Variants in ANKZF1 observed in about 807,000 individuals in gnomAD.
ANKZF1 encodes tRNA endonuclease ANKZF1.
Under a neutral mutation model 86.0 loss-of-function variants are expected in ANKZF1, and 84 were observed. The ratio of observed to expected loss-of-function variants is 0.98; its 90% CI spans 0.82 to 1.17. ANKZF1 has a LOEUF of 1.17. Among genes scored for constraint, ANKZF1 ranks in the 50% most tolerant of loss-of-function variants. The pLI is 0.00. For synonymous variants in ANKZF1, 331 were observed against 354.2 expected, an observed-to-expected ratio of 0.93 and a Z score of 0.74; for missense variants, 893 against 918.4, an observed-to-expected ratio of 0.97 and a Z score of 0.36.
chr2:219,234,626 C>T (rs534765481), intron 9 of ANKZF1, 200 bp from the exon 10 acceptor site: 219 of 744,192 alleles, frequency 2.9e-4, no homozygotes, highest in South Asian at 1.9e-3. Context: ...GCTACTCATA[C>T]GGAGAGTCCA....
intron 10 of ANKZF1, 53 bp from the exon 11 acceptor site, chr2:219,235,421 G>A: frequency 6.2e-7 from 1 of 1,607,782 alleles, no homozygotes. Context: ...GTTGGGTGAT[G>A]TTGGGAAAGG....
At position 219,235,165 on chromosome 2, in the gene ANKZF1, C is replaced by T. The variant is rs763986651; in HGVS notation, c.1544C>T (p.Ala515Val). ...GTTGGAGTGCTAAAGCTGCAGCTAG[C>T]TCCCAGCCCTGCAGACCCTAGAGTT... ...GDVGVLKLQL[A>V]PSPADPRVLS... is the part of the protein sequence containing the mutation. Residue 515 changes from alanine to valine, a missense_variant, in exon 10 of 14, where the codon GCT becomes GTT. Physicochemically the swap from Ala to Val is moderately conservative, Grantham distance 64. Transcript: ENST00000323348. 1 of 1,614,034 alleles carries T rather than the reference C, an allele frequency of 6.2e-7. No individual in the cohort carries two copies. The highest frequency in any genetic ancestry group is 1.7e-5 in the Admixed American group (1 of 59,996).
At chr2:219,233,686 A>G in intron 7 of ANKZF1, 29 bp from the exon 8 acceptor site, 4 of 1,580,352 alleles carry the variant, frequency 2.5e-6, no homozygotes, top group Non-Finnish European at 3.4e-6. Flanking sequence ...AAGTGAAGGT[A>G]TGCAGGACTG....
chr2:219,233,803 GGT>G lies in ANKZF1; in HGVS notation c.909_910del (p.Ser304PhefsTer38), dbSNP rs1559255564. On this transcript the variant is annotated frameshift_variant, in exon 8 of 14. Transcript: ENST00000323348. LOFTEE classifies it high-confidence loss of function. Reference sequence around the variant, plus strand: ...CTGTTGCGTGCTCCCCGCTCTGGCCGGTCTTTGTTCTTTGGAGGCAAGGGAGC... The same window carrying G: ...CTGTTGCGTGCTCCCCGCTCTGGCCGCTTTGTTCTTTGGAGGCAAGGGAGC... The G allele has an allele frequency of 1.9e-6, 3 of 1,613,994 alleles. No homozygotes were observed. The highest frequency in any genetic ancestry group is 2.5e-6 in the Non-Finnish European group (3 of 1,180,038).
chr2:219,230,078 A>C (rs1478777539), intron 1 of ANKZF1, 150 bp from the exon 2 acceptor site: 6 of 585,020 alleles, frequency 1.0e-5, no homozygotes, highest in Non-Finnish European at 1.7e-5. Context: ...GAGAAAGTGG[A>C]CGGGGGCCAA....
At chr2:219,235,422 T>C (rs1266968000) in intron 10 of ANKZF1, 52 bp from the exon 11 acceptor site, 21 of 1,607,568 alleles carry the variant, frequency 1.3e-5, no homozygotes, top group Non-Finnish European at 1.7e-5. Flanking sequence ...TTGGGTGATG[T>C]TGGGAAAGGC....
In ANKZF1 at chr2:219,233,808, T is replaced by C. The variant is rs1951120034; in HGVS notation, c.913T>C (p.Leu305=). 1.9e-6 allele frequency: 3 copies of C among 1,614,168 alleles called. No homozygotes were observed. The highest frequency in any genetic ancestry group is 1.7e-4 in the Middle Eastern group (1 of 6,048). ...LLRAPRSGRS[L]FFGGKGAPLQ... ...GCGTGCTCCCCGCTCTGGCCGGTCT[T>C]TGTTCTTTGGAGGCAAGGGAGCACC... is the stretch of plus-strand genomic sequence containing the variant. The change falls in exon 8 of 14, where the codon TTG becomes CTG. Residue 305 remains leucine, a synonymous_variant. Transcript: ENST00000323348.
rs756921185 is a variant in ANKZF1 at position 219,235,183 on chromosome 2, C to T, written c.1562C>T (p.Pro521Leu). 1.2e-6 allele frequency: 2 copies of T among 1,614,058 alleles called. No individual in the cohort carries two copies. The highest frequency in any genetic ancestry group is 2.7e-5 in the African/African-American group (2 of 74,944). Reference protein sequence around the residue: ...KLQLAPSPADPRVLSLLSAPL... With the variant: ...KLQLAPSPADLRVLSLLSAPL... Reference sequence around the variant, plus strand: ...CAGCTAGCTCCCAGCCCTGCAGACCCTAGAGTTCTGTCTCTGCTCAGTGCC... The same window carrying T: ...CAGCTAGCTCCCAGCCCTGCAGACCTTAGAGTTCTGTCTCTGCTCAGTGCC... The change falls in exon 10 of 14, where the codon CCT becomes CTT. Residue 521 changes from proline (P) to leucine (L), a missense_variant. Transcript: ENST00000323348.
intron 5 of ANKZF1, 157 bp downstream of exon 5, chr2:219,232,840 T>C (rs960052980): frequency 1.1e-6 from 1 of 914,212 alleles, no homozygotes; most frequent in African/African-American, 1.7e-5. Context: ...CTGGCCTGAA[T>C]TGTGGAAGGG....
At position 219,232,527 on chromosome 2, in the gene ANKZF1, C is replaced by T; in HGVS notation, c.402C>T (p.Asp134=). The T allele has an allele frequency of 6.2e-7, 1 of 1,614,216 alleles. No homozygotes were observed. ...LSSISGSEDS[D]SASEEDLQTL... ...GCATCTCGGGATCAGAAGACTCAGACTCAGCCAGTGAGGAGGACTTGCAGA... is the reference window on the plus strand; with the variant it reads ...GCATCTCGGGATCAGAAGACTCAGATTCAGCCAGTGAGGAGGACTTGCAGA... The change falls in exon 5 of 14, where the codon GAC becomes GAT. Residue 134 remains aspartate, a synonymous_variant. Coordinates refer to ENST00000323348, the MANE Select transcript of ANKZF1 (RefSeq NM_018089.3).
At chr2:219,234,505 C>A in intron 9 of ANKZF1, 1 of 679,324 alleles carries the variant, frequency 1.5e-6, no homozygotes, top group Non-Finnish European at 2.5e-6. Flanking sequence ...TTGTGTGGAG[C>A]AGATGCGTGG....
In ANKZF1 at chr2:219,232,310, C is replaced by G. The variant is rs752784056; in HGVS notation, c.312C>G (p.Leu104=). 3 of 1,614,234 alleles carry G rather than the reference C, an allele frequency of 1.9e-6. No homozygotes were observed. The highest frequency in any genetic ancestry group is 1.7e-6 in the Non-Finnish European group (2 of 1,180,046). ...ATCGGTTTAACCTAAAGCAACGTCT[C>G]AAGGACAAGCCTCTCCTGTCTGCCC... is the stretch of plus-strand genomic sequence containing the variant. ...DWHRFNLKQR[L]KDKPLLSALD... is the part of the protein sequence containing the mutation. The change falls in exon 4 of 14, where the codon CTC becomes CTG. Residue 104 remains leucine, a synonymous_variant. Coordinates refer to ENST00000323348, the MANE Select transcript of ANKZF1 (RefSeq NM_018089.3).
chr2:219,233,792 C>G lies in ANKZF1; in HGVS notation c.897C>G (p.Pro299=). The G allele has an allele frequency of 6.2e-7, 1 of 1,614,122 alleles. No homozygotes were observed. Among genetic ancestry groups the G allele is most frequent in the Non-Finnish European group, 8.5e-7 (1 of 1,180,034 alleles). The stretch of plus-strand genomic sequence containing the variant: ...CTGGTACAATACTGTTGCGTGCTCC[C>G]CGCTCTGGCCGGTCTTTGTTCTTTG... ...EEAGTILLRA[P]RSGRSLFFGG... The change falls in exon 8 of 14, where the codon CCC becomes CCG. Residue 299 remains proline (P), a synonymous_variant. Transcript: ENST00000323348.
chr2:219,233,283 CAGAAG>C lies in ANKZF1; in HGVS notation c.675_679del (p.Arg225SerfsTer42), dbSNP rs769220574. The C allele has an allele frequency of 1.5e-5, 25 of 1,614,232 alleles. 1 individual carries two copies. In the East Asian group the frequency reaches 5.6e-4, roughly 36 times the overall value. On this transcript the variant is annotated splice_acceptor_variant and coding_sequence_variant, in exon 7 of 14. Coordinates refer to ENST00000323348, the MANE Select transcript of ANKZF1 (RefSeq NM_018089.3). LOFTEE classifies it high-confidence loss of function. ...TCCAGTACTGAGTCTGTGCTGTCTA[CAGAAG>C]AGAAGTGGTGACACACAAAACTTTT...
chr2:219,235,672 G>C (rs757128347), intron 11 of ANKZF1, 36 bp from the exon 12 acceptor site: 1 of 1,611,542 alleles, frequency 6.2e-7, no homozygotes, highest in Non-Finnish European at 8.5e-7. Context: ...TTTTACCAAA[G>C]ATAACTTATA....
chr2:219,235,349 T>C (rs1951176427), intron 10 of ANKZF1, 37 bp downstream of exon 10: 3 of 1,598,340 alleles, frequency 1.9e-6, no homozygotes, highest in African/African-American at 2.7e-5. Context: ...ATTTTGGGTA[T>C]AGAGAGGATA....
At chr2:219,230,144 G>GA (rs1342716402) in intron 1 of ANKZF1, 84 bp from the exon 2 acceptor site, 2 of 1,260,984 alleles carry the variant, frequency 1.6e-6, no homozygotes, top group African/African-American at 3.0e-5. Flanking sequence ...TGCGGTGCAG[G>GA]AGAAACCAAG....
At chr2:219,232,850 GTTAAGTGTAATGGAA>G in intron 5 of ANKZF1, 167 bp downstream of exon 5, 1 of 883,360 alleles carries the variant, frequency 1.1e-6, no homozygotes, top group Admixed American at 2.8e-5. Flanking sequence ...TTGTGGAAGG[GTTAAGTGTAATGGAA>G]TTAAGTTTGG....
rs374306658 is a variant in ANKZF1 at position 219,235,844 on chromosome 2, G to A, written c.1940G>A (p.Arg647Gln). The A allele has an allele frequency of 1.7e-5, 27 of 1,614,052 alleles. No homozygotes were observed. Among genetic ancestry groups the A allele is most frequent in the Admixed American group, 1.0e-4 (6 of 60,012 alleles). The change falls in exon 12 of 14, where the codon CGG becomes CAG. Residue 647 changes from arginine to glutamine, a missense_variant. Coordinates refer to ENST00000323348, the MANE Select transcript of ANKZF1 (RefSeq NM_018089.3). The part of the protein sequence containing the change: ...EQEEREREEQ[R>Q]RFAALSDREK... ...GAGGAGCGTGAACGAGAAGAGCAGCGGCGATTTGCCGCCCTCAGTGACCGA... is the reference window on the plus strand; with the variant it reads ...GAGGAGCGTGAACGAGAAGAGCAGCAGCGATTTGCCGCCCTCAGTGACCGA...
Sources: allele counts gnomAD v4.1 joint callset, GRCh38; gene constraint gnomAD v4.1.1; transcripts MANE v1.5; gene names NCBI Gene and HGNC (gene_info 2026-07-23, HGNC 2026-07-21).